The following P2RY14 variants were observed in gnomAD, a reference collection of about 807,000 sequenced individuals.
P2RY14 encodes the protein P2Y purinoceptor 14.
In P2RY14, 2 loss-of-function variants were observed where a neutral mutation model predicts 0.9. The ratio of observed to expected loss-of-function variants is 2.16; its 90% confidence interval spans 0.88 to 6.79. P2RY14 has a LOEUF of 6.79. Among genes scored for constraint, P2RY14 ranks in the 30% most tolerant of loss-of-function variants. The probability of loss-of-function intolerance (pLI) is 0.05; values close to 1 mark genes in which losing one functional copy is unlikely to be tolerated. For missense variants in P2RY14, 378 were observed against 400.1 expected (o/e 0.94, Z 0.47); for synonymous variants, 158 against 147.2 (o/e 1.07, Z -0.53).
At chr3:151,276,658 G>A (rs1741905952) in intron 1 of P2RY14, among the ~76,000 whole-genome samples, 1 of 152,200 alleles carries the variant, frequency 6.6e-6, no homozygotes, top group Non-Finnish European at 1.5e-5. Flanking sequence ...TCACTCAGAA[G>A]CACTTTATAG....
intron 1 of P2RY14, among the ~76,000 whole-genome samples, chr3:151,239,114 T>A (rs4680262): frequency 0.3 from 45,963 of 152,170 alleles, 7,059 homozygotes; most frequent in Non-Finnish European, 0.32. Flanking sequence ...TTAATTAGTA[T>A]GATTTTTTGG....
chr3:151,247,373 A>G (rs544639930), intron 1 of P2RY14, among the ~76,000 whole-genome samples: 3 of 152,132 alleles, frequency 2.0e-5, no homozygotes, highest in Non-Finnish European at 4.4e-5. Flanking sequence ...CAAATGTCCA[A>G]CAATGATAGA....
At chr3:151,260,426 T>C (rs1251749558) in intron 1 of P2RY14, among the ~76,000 whole-genome samples, 1 of 152,174 alleles carries the variant, frequency 6.6e-6, no homozygotes, top group East Asian at 1.9e-4. Flanking sequence ...AGTGGATCAC[T>C]GCAGCCTTAA....
At chr3:151,273,057 T>C (rs1741242886) in intron 1 of P2RY14, among the ~76,000 whole-genome samples, 1 of 152,092 alleles carries the variant, frequency 6.6e-6, no homozygotes. Flanking sequence ...AATGCAAATA[T>C]TCCAAAATCT....
At chr3:151,245,604 T>C (rs1443230837) in intron 1 of P2RY14, among the ~76,000 whole-genome samples, 1 of 150,382 alleles carries the variant, frequency 6.6e-6, no homozygotes, top group African/African-American at 2.5e-5. Flanking sequence ...AAATTAGGTA[T>C]TGATGGGATG....
intron 1 of P2RY14, among the ~76,000 whole-genome samples, chr3:151,275,770 A>T (rs1218968009): frequency 6.6e-6 from 1 of 152,230 alleles, no homozygotes; most frequent in East Asian, 1.9e-4. Flanking sequence ...TAGGAAGCTG[A>T]GAATTTAAAA....
chr3:151,244,483 A>G (rs1026931738), intron 1 of P2RY14, among the ~76,000 whole-genome samples: 6 of 147,380 alleles, frequency 4.1e-5, no homozygotes. Context: ...CCACTCAACT[A>G]CATGGAAACT....
At chr3:151,257,080 G>A (rs188591810) in intron 1 of P2RY14, among the ~76,000 whole-genome samples, 1 of 151,952 alleles carries the variant, frequency 6.6e-6, no homozygotes, top group Non-Finnish European at 1.5e-5. Flanking sequence ...AAGAAATGGT[G>A]TAGTTTTAAA....
In P2RY14 at chr3:151,214,008, G is replaced by A. The variant is rs916559873; in HGVS notation, c.309C>T (p.Val103=). 7 of 1,614,042 alleles carry A rather than the reference G, an allele frequency of 4.3e-6. No individual in the cohort carries two copies. Among genetic ancestry groups the A allele is most frequent in the Non-Finnish European group, 5.9e-6 (7 of 1,179,950 alleles). The change falls in exon 3 of 3, where the codon GTC becomes GTT. Residue 103 remains valine (V), a synonymous_variant. Transcript: ENST00000309170. ...VCRVSAVLFY[V]NMYVSIVFFG... ...AGAACACAATGCTGACGTACATGTT[G>A]ACGTAGAAGAGCACGGCAGAGACCC...
At chr3:151,262,583 TATGTGTTTTTTAA>T (rs1739105709) in intron 1 of P2RY14, among the ~76,000 whole-genome samples, 1 of 152,182 alleles carries the variant, frequency 6.6e-6, no homozygotes, top group African/African-American at 2.4e-5. Flanking sequence ...TTAGTTTGTA[TATGTGTTTTTTAA>T]ATTTACTAAG....
chr3:151,229,431 C>T (rs1487732366), intron 1 of P2RY14, among the ~76,000 whole-genome samples: 13 of 150,294 alleles, frequency 8.6e-5, no homozygotes, highest in African/African-American at 2.9e-4. Context: ...GTCAGCCTCC[C>T]GAGTAGCTGG....
chr3:151,230,665 T>C (rs1258238938), intron 1 of P2RY14, among the ~76,000 whole-genome samples: 3 of 152,126 alleles, frequency 2.0e-5, no homozygotes, highest in Non-Finnish European at 1.5e-5. Flanking sequence ...TCAACGTCTC[T>C]TTCTAAGGGC....
chr3:151,261,731 G>T (rs1213099635), intron 1 of P2RY14, among the ~76,000 whole-genome samples: 7 of 125,704 alleles, frequency 5.6e-5, no homozygotes, highest in South Asian at 2.4e-4. Context: ...TGTTTTTGTT[G>T]TGTTGTGTTT....
At chr3:151,225,679 G>T (rs764778187) in intron 1 of P2RY14, among the ~76,000 whole-genome samples, 1 of 152,114 alleles carries the variant, frequency 6.6e-6, no homozygotes, top group Non-Finnish European at 1.5e-5. Flanking sequence ...ACTCTTGTCC[G>T]TGCCCTGTCT....
At chr3:151,215,979 T>C (rs1025927591) in intron 2 of P2RY14, among the ~76,000 whole-genome samples, 4 of 152,182 alleles carry the variant, frequency 2.6e-5, no homozygotes, top group African/African-American at 9.7e-5. Context: ...GGCCTCAGCT[T>C]AGCTGTCACT....
intron 1 of P2RY14, among the ~76,000 whole-genome samples, chr3:151,244,846 G>C (rs567342206): frequency 6.6e-6 from 1 of 151,986 alleles, no homozygotes; most frequent in Non-Finnish European, 1.5e-5. Flanking sequence ...TTTTTGAAAG[G>C]ATCAACAAAA....
intron 1 of P2RY14, among the ~76,000 whole-genome samples, chr3:151,255,161 G>T (rs547619901): frequency 1.3e-5 from 2 of 152,186 alleles, no homozygotes; most frequent in Non-Finnish European, 2.9e-5. Context: ...TGATGAAGCT[G>T]TTGGGAGACC....
intron 1 of P2RY14, among the ~76,000 whole-genome samples, chr3:151,238,057 C>G (rs1164233004): frequency 6.6e-6 from 1 of 152,128 alleles, no homozygotes; most frequent in Non-Finnish European, 1.5e-5. Flanking sequence ...ATCAAATTAT[C>G]GTTTTTTTCT....
chr3:151,215,431 TTAAA>T (rs140151952), intron 2 of P2RY14, among the ~76,000 whole-genome samples: 3,258 of 152,312 alleles, frequency 0.021, 104 homozygotes, highest in African/African-American at 0.073. Flanking sequence ...AAATGCTCTA[TTAAA>T]TAAAATATAT....
Sources: gnomAD v4.1 joint callset for allele counts (sites outside exome capture counted in the v4.1 genomes callset) on GRCh38, gnomAD v4.1.1 for gene constraint, MANE v1.5 for transcripts, NCBI Gene and HGNC (gene_info 2026-07-23, HGNC 2026-07-21) for gene names.